The following CNTNAP2 variants were observed in gnomAD, a reference collection of about 807,000 sequenced individuals.
CNTNAP2 encodes the protein contactin associated protein 2.
Under a neutral mutation model 155.2 loss-of-function variants are expected in CNTNAP2, and 98 were observed. That is an observed-to-expected ratio of 0.63 (90% CI 0.54 to 0.75). The LOEUF is 0.75. Among genes scored for constraint, CNTNAP2 ranks in the 30% least tolerant of loss-of-function variants. The probability of loss-of-function intolerance (pLI) is 0.00; values close to 1 mark genes in which losing one functional copy is unlikely to be tolerated. For missense variants in CNTNAP2, 1,727 were observed against 1,688.1 expected (o/e 1.02, Z -0.40); for synonymous variants, 651 against 631.2 (o/e 1.03, Z -0.47).
intron 1 of CNTNAP2, among the ~76,000 whole-genome samples, chr7:146,405,982 A>G (rs1378452915): frequency 6.6e-6 from 1 of 152,212 alleles, no homozygotes; most frequent in African/African-American, 2.4e-5. Context: ...GTGAGGAACC[A>G]TTGACTGAAA....
chr7:146,572,173 AG>A (rs1384053225), intron 1 of CNTNAP2, among the ~76,000 whole-genome samples: 1 of 152,176 alleles, frequency 6.6e-6, no homozygotes, highest in African/African-American at 2.4e-5. Flanking sequence ...AAAGTCAAAA[AG>A]TCCAGAGGAT....
chr7:148,057,671 C>A (rs923696555), intron 15 of CNTNAP2, among the ~76,000 whole-genome samples: 43 of 152,256 alleles, frequency 2.8e-4, no homozygotes, highest in African/African-American at 1.0e-3. Flanking sequence ...GTACCTCCTA[C>A]CCTCAGTTAA....
In CNTNAP2 at chr7:146,453,168, G is replaced by T. The variant is rs189696173; in HGVS notation, c.98-321103G>T. 1.4e-4 allele frequency among the ~76,000 whole-genome samples: 22 copies of T among 152,310 alleles called. No individual in the cohort carries two copies. The East Asian group carries it at 4.1e-3, about 28-fold the overall frequency. ...GATCTAAGAAGAAACCCTCCGGAATGTTCAGTGGAGAACTGATTCGGGAGT... is the reference window on the plus strand; with the variant it reads ...GATCTAAGAAGAAACCCTCCGGAATTTTCAGTGGAGAACTGATTCGGGAGT... On this transcript the variant is annotated intron_variant, in intron 1 of 23. Coordinates refer to ENST00000361727, the MANE Select transcript of CNTNAP2 (RefSeq NM_014141.6).
chr7:146,147,195 G>A (rs1218364397), intron 1 of CNTNAP2, among the ~76,000 whole-genome samples: 1 of 152,082 alleles, frequency 6.6e-6, no homozygotes, highest in African/African-American at 2.4e-5. Context: ...CTGTTGTTAA[G>A]CACTGGATCG....
At chr7:148,006,629 C>T (rs1333171493) in intron 15 of CNTNAP2, among the ~76,000 whole-genome samples, 2 of 136,338 alleles carry the variant, frequency 1.5e-5, no homozygotes, top group African/African-American at 5.4e-5. Flanking sequence ...ATAATAGTAA[C>T]TTTTATATCC....
At chr7:147,029,332 A>C (rs1049937926) in intron 3 of CNTNAP2, among the ~76,000 whole-genome samples, 1 of 135,484 alleles carries the variant, frequency 7.4e-6, no homozygotes, top group Non-Finnish European at 1.7e-5. Context: ...GAAGAATTTT[A>C]AAAAAGATTA....
intron 2 of CNTNAP2, among the ~76,000 whole-genome samples, chr7:146,776,154 T>C (rs1036206811): frequency 2.0e-5 from 3 of 152,104 alleles, no homozygotes; most frequent in Non-Finnish European, 4.4e-5. Context: ...ACCTTCCCAT[T>C]ACTAGGAAAT....
At chr7:146,917,898 C>T (rs1208225411) in intron 3 of CNTNAP2, among the ~76,000 whole-genome samples, 1 of 152,138 alleles carries the variant, frequency 6.6e-6, no homozygotes, top group East Asian at 1.9e-4. Flanking sequence ...CCACGTTACC[C>T]AGTCTTGGGT....
At chr7:147,498,170 A>T (rs1056832032) in intron 11 of CNTNAP2, among the ~76,000 whole-genome samples, 6 of 106,820 alleles carry the variant, frequency 5.6e-5, no homozygotes, top group African/African-American at 8.1e-5. Context: ...CCAAGCTATG[A>T]TAAAAAAAAA....
At chr7:146,954,282 C>A (rs1584746285) in intron 3 of CNTNAP2, among the ~76,000 whole-genome samples, 1 of 151,866 alleles carries the variant, frequency 6.6e-6, no homozygotes, top group Non-Finnish European at 1.5e-5. Context: ...GGACACACAG[C>A]AGATACATGT....
chr7:147,482,590 G>A (rs1301169514), intron 10 of CNTNAP2, among the ~76,000 whole-genome samples: 1 of 151,958 alleles, frequency 6.6e-6, no homozygotes, highest in Non-Finnish European at 1.5e-5. Flanking sequence ...GCGTGGTGGC[G>A]GGTGCCTGTG....
At chr7:147,024,461 G>A (rs1380725839) in intron 3 of CNTNAP2, among the ~76,000 whole-genome samples, 1 of 152,116 alleles carries the variant, frequency 6.6e-6, no homozygotes, top group Admixed American at 6.5e-5. Flanking sequence ...AGGAAACGGG[G>A]GAAGGTTACA....
At chr7:148,406,140 G>A (rs373165892) in intron 22 of CNTNAP2, among the ~76,000 whole-genome samples, 40 of 152,096 alleles carry the variant, frequency 2.6e-4, no homozygotes, top group African/African-American at 8.7e-4. Context: ...GCTGAGGCAG[G>A]AGAATGGCGT....
intron 3 of CNTNAP2, among the ~76,000 whole-genome samples, chr7:147,011,200 G>T (rs1197881153): frequency 6.6e-6 from 1 of 151,838 alleles, no homozygotes; most frequent in Non-Finnish European, 1.5e-5. Flanking sequence ...GATCACCTGA[G>T]GTCATCAGTT....
intron 13 of CNTNAP2, among the ~76,000 whole-genome samples, chr7:147,671,155 C>G (rs1795781008): frequency 6.6e-6 from 1 of 152,210 alleles, no homozygotes; most frequent in South Asian, 2.1e-4. Flanking sequence ...CCAGTTGGTT[C>G]CAGTGTTTGC....
At chr7:147,201,194 T>C (rs1187322833) in intron 8 of CNTNAP2, among the ~76,000 whole-genome samples, 1 of 152,228 alleles carries the variant, frequency 6.6e-6, no homozygotes, top group African/African-American at 2.4e-5. Context: ...ACTCTATATC[T>C]AAAACATTGT....
In CNTNAP2 at chr7:147,109,878, T is replaced by C. The variant is rs1800840012; in HGVS notation, c.754+1528T>C. Among the ~76,000 whole-genome samples, 11 of 150,662 alleles carry C rather than the reference T, an allele frequency of 7.3e-5. No homozygotes were observed. The Admixed American group carries it at 7.3e-4, about 10-fold the overall frequency. ...TCTGAACTCAAATTACTGTTTTATGTGGGGTTGTTGTTATTTGTATTTATT... is the reference window on the plus strand; with the variant it reads ...TCTGAACTCAAATTACTGTTTTATGCGGGGTTGTTGTTATTTGTATTTATT... On this transcript the variant is annotated intron_variant, in intron 5 of 23. Transcript: ENST00000361727.
At chr7:147,573,893 G>T (rs1179187629) in intron 12 of CNTNAP2, among the ~76,000 whole-genome samples, 1 of 152,016 alleles carries the variant, frequency 6.6e-6, no homozygotes, top group African/African-American at 2.4e-5. Context: ...GTAGCTTCTT[G>T]ATCCTTTAGT....
chr7:146,774,232 T>C, intron 1 of CNTNAP2, 39 bp from the exon 2 acceptor site: 1 of 1,445,774 alleles, frequency 6.9e-7, no homozygotes. Flanking sequence ...TCGAAATCGT[T>C]GTTGAGTGTC....
Sources: allele counts gnomAD v4.1 joint callset (sites outside exome capture counted in the v4.1 genomes callset), GRCh38; gene constraint gnomAD v4.1.1; transcripts MANE v1.5; gene names NCBI Gene and HGNC (gene_info 2026-07-23, HGNC 2026-07-21).